The following OR10J1 variants were observed in gnomAD, a reference collection of about 807,000 sequenced individuals.
OR10J1 encodes olfactory receptor 10J1.
For missense variants in OR10J1, 474 were observed against 376.6 expected (o/e 1.26, Z -2.14); for synonymous variants, 202 against 143.8 (o/e 1.40, Z -2.89).
chr1:159,424,432 T>C, the OR10J1 span, among the ~76,000 whole-genome samples: 3 of 136,472 alleles, frequency 2.2e-5, no homozygotes, highest in African/African-American at 7.4e-5. Context: ...ATTAAGTATG[T>C]ATTATATATA....
upstream of OR10J1, among the ~76,000 whole-genome samples, chr1:159,435,714 T>C (rs868838138): frequency 6.6e-6 from 1 of 152,140 alleles, no homozygotes; most frequent in African/African-American, 2.4e-5. Flanking sequence ...CAAAGCCTTC[T>C]TAAGAGGTCT....
At chr1:159,405,716 G>T in the OR10J1 span, 10 of 731,088 alleles carry the variant, frequency 1.4e-5, no homozygotes, top group Admixed American at 1.3e-4. Flanking sequence ...TAGATGATGA[G>T]GTCATAGGAG....
chr1:159,406,734 C>T, the OR10J1 span, among the ~76,000 whole-genome samples: 2 of 152,038 alleles, frequency 1.3e-5, no homozygotes, highest in Non-Finnish European at 2.9e-5. Flanking sequence ...CTATGCTTAC[C>T]CTTAATCTGA....
the OR10J1 span, among the ~76,000 whole-genome samples, chr1:159,427,955 T>A: frequency 6.6e-6 from 1 of 152,138 alleles, no homozygotes. Context: ...CATATGATTA[T>A]GTCAATGAAT....
the OR10J1 span, among the ~76,000 whole-genome samples, chr1:159,424,313 TTA>T: frequency 1.3e-5 from 2 of 151,292 alleles, no homozygotes; most frequent in Non-Finnish European, 2.9e-5. Context: ...AATTTAATAT[TTA>T]TATATGTGTT....
At chr1:159,411,082 G>A in the OR10J1 span, among the ~76,000 whole-genome samples, 3 of 152,092 alleles carry the variant, frequency 2.0e-5, no homozygotes, top group Admixed American at 1.3e-4. Context: ...TATAATTTCT[G>A]TTCTTCTACA....
the OR10J1 span, among the ~76,000 whole-genome samples, chr1:159,411,530 T>C: frequency 2.0e-5 from 3 of 152,252 alleles, no homozygotes; most frequent in Admixed American, 6.5e-5. Flanking sequence ...CCCGTGCCTT[T>C]TTTTGTTTTC....
the OR10J1 span, among the ~76,000 whole-genome samples, chr1:159,424,615 CTT>C: frequency 2.0e-5 from 3 of 151,594 alleles, no homozygotes; most frequent in Admixed American, 6.6e-5. Context: ...AAAAAGAAAA[CTT>C]TGGAAAATAA....
chr1:159,440,298 T>A lies in OR10J1; in HGVS notation c.507T>A (p.Cys169Ter). Residue 169 changes from cysteine (C) to a stop codon, truncating the protein, a stop_gained, in exon 1 of 1, where the codon TGT (cysteine) becomes TGA (stop). Coordinates refer to ENST00000423932, the MANE Select transcript of OR10J1 (RefSeq NM_012351.3). LOFTEE classifies it low-confidence loss of function (END_TRUNC). ...QVTSVFRLPFCARKVPHFFCD... is the reference protein window; with the variant it reads ...QVTSVFRLPF ...CATCTGTATTCAGGTTACCCTTCTG[T>A]GCTAGAAAGGTGCCCCACTTCTTCT... 1 of 1,614,180 alleles carries A rather than the reference T, an allele frequency of 6.2e-7. No homozygotes were observed.
chr1:159,405,818 T>G, the OR10J1 span: 1 of 1,225,292 alleles, frequency 8.2e-7, no homozygotes, highest in Non-Finnish European at 1.2e-6. Flanking sequence ...CAGGCCAGCT[T>G]CAGCAGGGGT....
chr1:159,432,716 T>C, the OR10J1 span: 5 of 404,178 alleles, frequency 1.2e-5, no homozygotes, highest in Non-Finnish European at 1.8e-5. Context: ...CCTTCTGTGA[T>C]GCTAATCTCA....
At chr1:159,418,443 G>A in the OR10J1 span, among the ~76,000 whole-genome samples, 1 of 152,212 alleles carries the variant, frequency 6.6e-6, no homozygotes. Flanking sequence ...CATAGCTTCA[G>A]ATGGTGCAAT....
At chr1:159,406,507 T>C in the OR10J1 span, 1 of 234,364 alleles carries the variant, frequency 4.3e-6, no homozygotes, top group Non-Finnish European at 8.5e-6. Flanking sequence ...AGGGGTTATC[T>C]TTGTTCCTCT....
At chr1:159,439,323 G>A (rs1460438310), upstream of OR10J1, among the ~76,000 whole-genome samples, 1 of 152,160 alleles carries the variant, frequency 6.6e-6, no homozygotes, top group African/African-American at 2.4e-5. Flanking sequence ...AGATGTAAAA[G>A]GTATTATAAA....
chr1:159,412,103 T>C, the OR10J1 span, among the ~76,000 whole-genome samples: 1 of 151,898 alleles, frequency 6.6e-6, no homozygotes. Context: ...TCAAAGAGAA[T>C]AAAATACTTA....
the OR10J1 span, among the ~76,000 whole-genome samples, chr1:159,414,131 T>A: frequency 6.6e-6 from 1 of 152,064 alleles, no homozygotes; most frequent in Non-Finnish European, 1.5e-5. Flanking sequence ...ACTTTGAAAT[T>A]TACAATACGT....
the OR10J1 span, among the ~76,000 whole-genome samples, chr1:159,428,417 G>T: frequency 6.6e-6 from 1 of 151,886 alleles, no homozygotes; most frequent in African/African-American, 2.4e-5. Context: ...TTCAGTATCG[G>T]GTTTCCTTTT....
At chr1:159,430,316 C>A in the OR10J1 span, among the ~76,000 whole-genome samples, 1 of 152,026 alleles carries the variant, frequency 6.6e-6, no homozygotes, top group African/African-American at 2.4e-5. Flanking sequence ...CATCTCCATC[C>A]CAGATTGTGA....
chr1:159,430,668 T>TGTGTGTGTGTGCGCGCGC, the OR10J1 span, among the ~76,000 whole-genome samples: 4 of 69,710 alleles, frequency 5.7e-5, no homozygotes, highest in Admixed American at 1.4e-4. Context: ...TGTGTGTGTG[T>TGTGTGTGTGTGCGCGCGC]GCGCGCGCGC....
Sources: allele counts gnomAD v4.1 joint callset (sites outside exome capture counted in the v4.1 genomes callset), GRCh38; gene constraint gnomAD v4.1.1; transcripts MANE v1.5; gene names NCBI Gene and HGNC (gene_info 2026-07-23, HGNC 2026-07-21).